The following HHAT variants were observed in gnomAD, a reference collection of about 807,000 sequenced individuals.
The protein encoded by HHAT is protein-cysteine N-palmitoyltransferase HHAT.
Under a neutral mutation model 70.8 loss-of-function variants are expected in HHAT, and 47 were observed. That is an observed-to-expected ratio of 0.66 (90% CI 0.53 to 0.85). The LOEUF is 0.85. Ranked by LOEUF, HHAT falls within the 40% of genes least tolerant of loss-of-function variation. The pLI, the probability that HHAT is intolerant of heterozygous loss-of-function variation, is 0.00. For synonymous variants in HHAT, 228 were observed against 247.6 expected (o/e 0.92, Z 0.74); for missense variants, 609 against 604.8 (o/e 1.01, Z -0.07).
intron 4 of HHAT, among the ~76,000 whole-genome samples, chr1:210,393,795 C>T (rs193040812): frequency 1.5e-4 from 23 of 152,242 alleles, no homozygotes; most frequent in East Asian, 3.9e-4. Flanking sequence ...TGGGTGACCA[C>T]GGGTTTGATT....
At chr1:210,563,857 A>G (rs975303614) in intron 9 of HHAT, among the ~76,000 whole-genome samples, 1 of 152,158 alleles carries the variant, frequency 6.6e-6, no homozygotes. Context: ...TTTCTTGAGC[A>G]TGTACTGTAT....
In HHAT at chr1:210,420,731, C is replaced by T. The variant is rs553259453; in HGVS notation, c.856+2406C>T. Among the ~76,000 whole-genome samples the T allele has an allele frequency of 2.0e-5, 3 of 151,602 alleles. No individual in the cohort carries two copies. In the East Asian group the frequency reaches 5.8e-4, roughly 29 times the overall value. On this transcript the variant is annotated intron_variant, in intron 7 of 11. Transcript: ENST00000261458. ...TTACAGGTGTGTGCATGAGTGTATG[C>T]ATGTCTCTGTGTGTGTGTAAACTCT... is the stretch of plus-strand genomic sequence containing the variant.
chr1:210,484,399 AG>A (rs2094443717), intron 8 of HHAT, among the ~76,000 whole-genome samples: 1 of 152,262 alleles, frequency 6.6e-6, no homozygotes, highest in South Asian at 2.1e-4. Flanking sequence ...TGTCATCTGG[AG>A]GGACACCATG....
intron 10 of HHAT, among the ~76,000 whole-genome samples, chr1:210,613,952 C>T (rs12723983): frequency 6.9e-6 from 1 of 145,794 alleles, no homozygotes; most frequent in Non-Finnish European, 1.5e-5. Context: ...CCCAGGAAGT[C>T]TAAGCTGCAG....
At chr1:210,591,638 G>A (rs1486115819) in intron 10 of HHAT, among the ~76,000 whole-genome samples, 5 of 152,050 alleles carry the variant, frequency 3.3e-5, no homozygotes, top group South Asian at 4.1e-4. Flanking sequence ...TTTCCATACC[G>A]TGGTCTTGTA....
chr1:210,518,951 A>C (rs1256766655), intron 9 of HHAT, among the ~76,000 whole-genome samples: 2 of 152,206 alleles, frequency 1.3e-5, no homozygotes, highest in Non-Finnish European at 2.9e-5. Context: ...GGCACTAGAG[A>C]GGCTTTTGAG....
chr1:210,349,216 C>A, intron 2 of HHAT, 150 bp downstream of exon 2: 3 of 815,456 alleles, frequency 3.7e-6, no homozygotes, highest in Non-Finnish European at 5.6e-6. Context: ...TAGTTTGAAT[C>A]AGTGACCTGA....
chr1:210,606,627 C>G (rs1423306545), intron 10 of HHAT, among the ~76,000 whole-genome samples: 1 of 152,194 alleles, frequency 6.6e-6, no homozygotes, highest in East Asian at 1.9e-4. Context: ...TCTCCTTTAA[C>G]AAATCCCTGT....
At chr1:210,399,469 G>A (rs2091959322) in intron 4 of HHAT, among the ~76,000 whole-genome samples, 1 of 152,072 alleles carries the variant, frequency 6.6e-6, no homozygotes, top group Admixed American at 6.6e-5. Context: ...GGTCAGGCTG[G>A]TCTTGAACTC....
At chr1:210,334,907 GT>G (rs2085343278) in intron 1 of HHAT, among the ~76,000 whole-genome samples, 1 of 152,006 alleles carries the variant, frequency 6.6e-6, no homozygotes, top group Non-Finnish European at 1.5e-5. Flanking sequence ...GAAAAAATGA[GT>G]AGTCCTATAT....
intron 1 of HHAT, among the ~76,000 whole-genome samples, chr1:210,344,141 G>T (rs1227500098): frequency 6.6e-6 from 1 of 152,100 alleles, no homozygotes; most frequent in African/African-American, 2.4e-5. Flanking sequence ...GAGACTATTT[G>T]GTTCAATTCC....
chr1:210,363,645 G>A (rs2088598364), intron 3 of HHAT, among the ~76,000 whole-genome samples: 2 of 152,094 alleles, frequency 1.3e-5, no homozygotes, highest in Admixed American at 1.3e-4. Flanking sequence ...GCTATGACTT[G>A]GACTGTAGGG....
In HHAT at chr1:210,393,553, G is replaced by A. The variant is rs989806759; in HGVS notation, c.273+5972G>A. Among the ~76,000 whole-genome samples the A allele has an allele frequency of 9.4e-5, 14 of 149,496 alleles. No homozygotes were observed. The Middle Eastern group carries it at 0.01, about 111-fold the overall frequency. ...GGTCTCACCTGCCGTTCTGGTCTCA[G>A]AGCAGGCCTCCGAGAAGGTGGCTTT... On this transcript the variant is annotated intron_variant, in intron 4 of 11. Coordinates refer to ENST00000261458, the MANE Select transcript of HHAT (RefSeq NM_018194.6).
chr1:210,453,243 C>T (rs1243915078), intron 7 of HHAT, among the ~76,000 whole-genome samples: 2 of 152,070 alleles, frequency 1.3e-5, no homozygotes, highest in African/African-American at 2.4e-5. Context: ...TTCTAAGGTT[C>T]GTTAAGATAC....
intron 9 of HHAT, among the ~76,000 whole-genome samples, chr1:210,564,387 C>T (rs2095650899): frequency 6.6e-6 from 1 of 152,130 alleles, no homozygotes; most frequent in African/African-American, 2.4e-5. Flanking sequence ...TGAGAGGGAG[C>T]ATGAGGAGCA....
At chr1:210,588,564 A>C (rs1245616507) in intron 10 of HHAT, 1 of 153,594 alleles carries the variant, frequency 6.5e-6, no homozygotes, top group Non-Finnish European at 1.4e-5. Context: ...GATATGCCAT[A>C]ATTTATTTTA....
intron 11 of HHAT, among the ~76,000 whole-genome samples, chr1:210,658,096 T>G (rs1352282495): frequency 6.6e-6 from 1 of 152,210 alleles, no homozygotes; most frequent in Non-Finnish European, 1.5e-5. Flanking sequence ...GCCCTGGTTC[T>G]AGGGACGTAG....
intron 8 of HHAT, among the ~76,000 whole-genome samples, chr1:210,494,147 A>G (rs2094594500): frequency 6.6e-6 from 1 of 152,178 alleles, no homozygotes. Flanking sequence ...TCTATCCTAC[A>G]TGTGCAGTGC....
chr1:210,553,384 G>A (rs2095544437), intron 9 of HHAT, among the ~76,000 whole-genome samples: 1 of 152,242 alleles, frequency 6.6e-6, no homozygotes, highest in South Asian at 2.1e-4. Context: ...AGATTCAGGA[G>A]CCTTCCAGAT....
Sources: allele counts gnomAD v4.1 joint callset (sites outside exome capture counted in the v4.1 genomes callset), GRCh38; gene constraint gnomAD v4.1.1; transcripts MANE v1.5; gene names NCBI Gene and HGNC (gene_info 2026-07-23, HGNC 2026-07-21).